The following LRSAM1 variants were observed in gnomAD, a reference collection of about 807,000 sequenced individuals.
LRSAM1 encodes the protein leucine rich repeat and sterile alpha motif containing 1.
A neutral mutation model predicts 118.1 loss-of-function variants in LRSAM1; 96 were observed. That is an observed-to-expected ratio of 0.81 (90% confidence interval 0.69 to 0.96). The LOEUF (loss-of-function observed/expected upper bound fraction) is 0.96. LRSAM1 is among the 40% of genes least tolerant of loss of function. The pLI is 0.00. For missense variants in LRSAM1, 804 were observed against 915.5 expected, an observed-to-expected ratio of 0.88 and a Z score of 1.57; for synonymous variants, 322 against 364.2, an observed-to-expected ratio of 0.88 and a Z score of 1.32.
chr9:127,466,981 G>A (rs766076120), intron 9 of LRSAM1, among the ~76,000 whole-genome samples: 9 of 152,134 alleles, frequency 5.9e-5, no homozygotes, highest in Admixed American at 2.0e-4. Context: ...TGGGCAATGG[G>A]AATGAGACCC....
chr9:127,485,235 T>G (rs539377408), intron 16 of LRSAM1, among the ~76,000 whole-genome samples: 9 of 152,318 alleles, frequency 5.9e-5, no homozygotes, highest in South Asian at 2.1e-4. Flanking sequence ...TGTTTTACAA[T>G]TAGCCTTCCA....
chr9:127,470,588 G>GAT (rs1835130084), intron 10 of LRSAM1, among the ~76,000 whole-genome samples: 2 of 152,072 alleles, frequency 1.3e-5, no homozygotes, highest in African/African-American at 4.8e-5. Context: ...CACTATTTAT[G>GAT]CCAGTCCAAC....
intron 10 of LRSAM1, among the ~76,000 whole-genome samples, chr9:127,473,547 T>C (rs1371168239): frequency 6.6e-6 from 1 of 152,182 alleles, no homozygotes; most frequent in Non-Finnish European, 1.5e-5. Flanking sequence ...ATCACTTCAT[T>C]CTCACTTGGA....
chr9:127,497,474 C>A, intron 24 of LRSAM1, 140 bp downstream of exon 24: 1 of 881,392 alleles, frequency 1.1e-6, no homozygotes. Context: ...GGTTTCCTCC[C>A]AAGGAGCAGG....
intron 21 of LRSAM1, among the ~76,000 whole-genome samples, chr9:127,494,621 A>C (rs1836054596): frequency 6.6e-6 from 1 of 152,236 alleles, no homozygotes; most frequent in South Asian, 2.1e-4. Context: ...ACAGTACTCA[A>C]CGAAGAGTTA....
chr9:127,457,227 G>A, intron 5 of LRSAM1, 89 bp from the exon 6 acceptor site: 3 of 1,450,818 alleles, frequency 2.1e-6, no homozygotes, highest in South Asian at 2.3e-5. Context: ...GTGGGGCGTG[G>A]CACGGCGCTG....
chr9:127,471,970 A>AT (rs563007844), intron 10 of LRSAM1, among the ~76,000 whole-genome samples: 3,336 of 146,756 alleles, frequency 0.023, 53 homozygotes, highest in Non-Finnish European at 0.035. Flanking sequence ...GCAAGAAATA[A>AT]TTTTTTTTTT....
At chr9:127,481,958 A>G (rs922218630) in intron 15 of LRSAM1, among the ~76,000 whole-genome samples, 10 of 151,882 alleles carry the variant, frequency 6.6e-5, no homozygotes, top group African/African-American at 2.4e-4. Flanking sequence ...AAAAAAAGAA[A>G]TTCAGAAAAA....
At chr9:127,475,327 C>T (rs915050988) in intron 11 of LRSAM1, among the ~76,000 whole-genome samples, 1 of 152,040 alleles carries the variant, frequency 6.6e-6, no homozygotes, top group Non-Finnish European at 1.5e-5. Flanking sequence ...CCTGTCTCTA[C>T]TGAAAATGCA....
At position 127,495,999 on chromosome 9, in the gene LRSAM1, G is replaced by A; in HGVS notation, c.1734G>A (p.Leu578=). ...TGGAGCGCCAGCTGGTGGCCCTCCT[G>A]GAGGAGCTGTCGGCTGAGCACTACC... ...EGMERQLVAL[L]EELSAEHYLP... is the part of the protein sequence containing the mutation. The change falls in exon 23 of 26, where the codon CTG becomes CTA. Residue 578 remains leucine, a synonymous_variant. Coordinates refer to ENST00000300417, the MANE Select transcript of LRSAM1 (RefSeq NM_001005373.4). 1.9e-6 allele frequency: 3 copies of A among 1,612,878 alleles called. No individual in the cohort carries two copies. Among genetic ancestry groups the A allele is most frequent in the Non-Finnish European group, 2.5e-6 (3 of 1,179,980 alleles).
chr9:127,493,008 A>T, intron 21 of LRSAM1, 111 bp downstream of exon 21: 1 of 904,106 alleles, frequency 1.1e-6, no homozygotes, highest in Non-Finnish European at 1.8e-6. Context: ...CATCAAAGAA[A>T]AACTGGAAAG....
chr9:127,459,217 G>GTTTTT (rs373307015), intron 7 of LRSAM1, 146 bp downstream of exon 7: 18 of 579,898 alleles, frequency 3.1e-5, no homozygotes, highest in Non-Finnish European at 3.6e-5. Context: ...GCCCTTTGGG[G>GTTTTT]TTTTTTTTTT....
intron 5 of LRSAM1, 73 bp from the exon 6 acceptor site, chr9:127,457,243 G>A: frequency 6.4e-7 from 1 of 1,562,416 alleles, no homozygotes; most frequent in Non-Finnish European, 8.8e-7. Context: ...CGCTGGGCTG[G>A]CTCCCACGCC....
Position 127,491,075 on chromosome 9 carries a change from G to A in LRSAM1, c.1423-140G>A, listed in dbSNP as rs79366656. 3.7e-3 allele frequency: 2,820 copies of A among 752,986 alleles called. 38 individuals carry two copies. The East Asian group carries it at 0.042, about 11-fold the overall frequency. 46.6% of individuals were successfully genotyped at this position (752,986 alleles called of 1,614,324 possible). A position where few individuals can be genotyped will look rare whatever the true frequency, so the allele number is the denominator to read the frequency against. Reference sequence around the variant, plus strand: ...GCCCCTTGACGAGGTTCCCAGGCCCGCAGGTTCCCCTCATTCCAGAGCCTC... The same window carrying A: ...GCCCCTTGACGAGGTTCCCAGGCCCACAGGTTCCCCTCATTCCAGAGCCTC... On this transcript the variant is annotated intron_variant, in intron 19 of 25. Coordinates refer to ENST00000300417, the MANE Select transcript of LRSAM1 (RefSeq NM_001005373.4).
intron 21 of LRSAM1, among the ~76,000 whole-genome samples, chr9:127,494,926 G>A (rs2798428): frequency 0.64 from 97,468 of 151,906 alleles, 31,524 homozygotes; most frequent in Middle Eastern, 0.66. Context: ...AGAGGAGCAT[G>A]GTTCATAACC....
intron 4 of LRSAM1, 98 bp from the exon 5 acceptor site, chr9:127,455,478 C>A: frequency 1.6e-6 from 2 of 1,273,732 alleles, no homozygotes; most frequent in South Asian, 2.4e-5. Flanking sequence ...TGCCCTTGTT[C>A]ACCTCCTGCC....
chr9:127,457,262 G>C (rs376815374), intron 5 of LRSAM1, 54 bp from the exon 6 acceptor site: 2 of 1,607,106 alleles, frequency 1.2e-6, no homozygotes, highest in South Asian at 1.1e-5. Flanking sequence ...CCCTTAGCCT[G>C]CCCTGCCTGC....
intron 10 of LRSAM1, among the ~76,000 whole-genome samples, chr9:127,469,984 G>A (rs1835109490): frequency 6.7e-6 from 1 of 149,626 alleles, no homozygotes; most frequent in Non-Finnish European, 1.5e-5. Context: ...AAATAAAATG[G>A]CCAAAATTGA....
intron 8 of LRSAM1, among the ~76,000 whole-genome samples, chr9:127,461,873 A>G (rs1834760368): frequency 6.6e-6 from 1 of 152,234 alleles, no homozygotes; most frequent in African/African-American, 2.4e-5. Flanking sequence ...CAACTGTAAC[A>G]TATGAGTAAT....
Sources: allele counts gnomAD v4.1 joint callset (sites outside exome capture counted in the v4.1 genomes callset), GRCh38; gene constraint gnomAD v4.1.1; transcripts MANE v1.5; gene names NCBI Gene and HGNC (gene_info 2026-07-23, HGNC 2026-07-21).